Variants in ATRNL1 observed in about 807,000 individuals in gnomAD.
ATRNL1 encodes attractin-like protein 1.
ATRNL1 carries 95 observed loss-of-function variants against 182.7 expected under a neutral mutation model. That is an observed-to-expected ratio of 0.52 (90% confidence interval 0.44 to 0.62). The LOEUF (loss-of-function observed/expected upper bound fraction) is 0.62. Among genes scored for constraint, ATRNL1 ranks in the 20% least tolerant of loss-of-function variants. The probability of loss-of-function intolerance (pLI) is 0.00; values close to 1 mark genes in which losing one functional copy is unlikely to be tolerated. For missense variants in ATRNL1, 1,471 were observed against 1,679.5 expected, an observed-to-expected ratio of 0.88 and a Z score of 2.17; for synonymous variants, 576 against 568.3, an observed-to-expected ratio of 1.01 and a Z score of -0.19.
chr10:115,216,656 A>G (rs1462424295), intron 9 of ATRNL1, among the ~76,000 whole-genome samples: 1 of 151,474 alleles, frequency 6.6e-6, no homozygotes, highest in Non-Finnish European at 1.5e-5. Flanking sequence ...TTTTGTTCTA[A>G]TTTTTCTTTG....
chr10:115,532,123 G>C (rs1238757022), intron 25 of ATRNL1, among the ~76,000 whole-genome samples: 1 of 151,576 alleles, frequency 6.6e-6, no homozygotes, highest in East Asian at 1.9e-4. Flanking sequence ...CTCTTTTTTG[G>C]TTCCATATGA....
At chr10:115,130,553 A>C (rs1271538688) in intron 5 of ATRNL1, among the ~76,000 whole-genome samples, 2 of 152,128 alleles carry the variant, frequency 1.3e-5, no homozygotes, top group African/African-American at 4.8e-5. Flanking sequence ...TCAACTGCAC[A>C]AAAGATCTAT....
intron 9 of ATRNL1, among the ~76,000 whole-genome samples, chr10:115,222,634 C>T (rs1849513533): frequency 6.6e-6 from 1 of 151,940 alleles, no homozygotes; most frequent in Admixed American, 6.6e-5. Context: ...AAATGGGATC[C>T]AGAATACATG....
chr10:115,334,861 T>C (rs1343712285), intron 19 of ATRNL1, among the ~76,000 whole-genome samples: 1 of 152,196 alleles, frequency 6.6e-6, no homozygotes, highest in Admixed American at 6.5e-5. Flanking sequence ...AGTATGGGTT[T>C]GGAACCAAAT....
intron 5 of ATRNL1, among the ~76,000 whole-genome samples, chr10:115,140,642 C>G (rs1384976294): frequency 6.6e-6 from 1 of 152,082 alleles, no homozygotes; most frequent in African/African-American, 2.4e-5. Flanking sequence ...CCAGAATGTC[C>G]TGCTCAATCC....
intron 20 of ATRNL1, among the ~76,000 whole-genome samples, chr10:115,424,686 T>C (rs1290501559): frequency 2.0e-5 from 3 of 152,142 alleles, no homozygotes; most frequent in Non-Finnish European, 4.4e-5. Context: ...AGAAAAATAC[T>C]GCATGATCTC....
chr10:115,312,715 T>C (rs1392393762), intron 17 of ATRNL1, among the ~76,000 whole-genome samples: 1 of 152,176 alleles, frequency 6.6e-6, no homozygotes, highest in East Asian at 1.9e-4. Flanking sequence ...CAGATGTTTT[T>C]CTCTTTCTTT....
intron 15 of ATRNL1, among the ~76,000 whole-genome samples, chr10:115,298,837 T>G (rs1853330635): frequency 1.3e-5 from 2 of 152,076 alleles, no homozygotes. Flanking sequence ...CAATATCAGA[T>G]CTATTGTCAT....
intron 1 of ATRNL1, among the ~76,000 whole-genome samples, chr10:115,102,256 T>C (rs1225578368): frequency 6.6e-6 from 1 of 152,204 alleles, no homozygotes; most frequent in Non-Finnish European, 1.5e-5. Context: ...TGACCATTTG[T>C]TGAAAAGACT....
intron 21 of ATRNL1, among the ~76,000 whole-genome samples, chr10:115,427,210 T>C (rs1340688947): frequency 2.6e-5 from 4 of 152,216 alleles, no homozygotes; most frequent in African/African-American, 7.2e-5. Context: ...AATTTGCACT[T>C]TCCTAATTAC....
intron 27 of ATRNL1, among the ~76,000 whole-genome samples, chr10:115,772,345 T>G (rs1388671383): frequency 6.6e-6 from 1 of 152,172 alleles, no homozygotes; most frequent in African/African-American, 2.4e-5. Flanking sequence ...TTACCAAGTC[T>G]CACTGAAGTG....
chr10:115,816,379 T>C (rs2134269843), intron 27 of ATRNL1, among the ~76,000 whole-genome samples: 1 of 152,282 alleles, frequency 6.6e-6, no homozygotes, highest in Middle Eastern at 3.4e-3. Context: ...TATAAGTCGT[T>C]CATTCATTAA....
intron 27 of ATRNL1, among the ~76,000 whole-genome samples, chr10:115,759,590 G>T (rs1301803517): frequency 2.2e-5 from 3 of 135,796 alleles, no homozygotes; most frequent in Non-Finnish European, 4.9e-5. Flanking sequence ...ATTAGGTTTT[G>T]ACTAATGTTT....
At chr10:115,363,634 G>A (rs1316341138) in intron 19 of ATRNL1, among the ~76,000 whole-genome samples, 1 of 151,630 alleles carries the variant, frequency 6.6e-6, no homozygotes, top group Non-Finnish European at 1.5e-5. Context: ...TTTTCTTCTA[G>A]GGTTTTTATG....
chr10:115,535,176 T>G (rs1256187144), intron 25 of ATRNL1, among the ~76,000 whole-genome samples: 1 of 152,074 alleles, frequency 6.6e-6, no homozygotes, highest in African/African-American at 2.4e-5. Context: ...TTGGGGAAGT[T>G]CTCCTGGATA....
intron 21 of ATRNL1, among the ~76,000 whole-genome samples, chr10:115,437,577 G>C (rs782012605): frequency 2.0e-5 from 3 of 151,958 alleles, no homozygotes; most frequent in Non-Finnish European, 4.4e-5. Context: ...TTTGCAAATA[G>C]TTGTATTTAT....
chr10:115,104,134 A>G (rs1314397722), intron 1 of ATRNL1, among the ~76,000 whole-genome samples: 1 of 152,180 alleles, frequency 6.6e-6, no homozygotes, highest in Non-Finnish European at 1.5e-5. Context: ...TCTGCATAGT[A>G]GTTACACTAA....
intron 27 of ATRNL1, among the ~76,000 whole-genome samples, chr10:115,754,453 T>A (rs184044285): frequency 2.6e-5 from 4 of 152,318 alleles, no homozygotes; most frequent in Admixed American, 2.6e-4. Flanking sequence ...TTCTTGTTTT[T>A]GTCAGATTTG....
At chr10:115,907,739 A>T (rs1329681581) in intron 28 of ATRNL1, among the ~76,000 whole-genome samples, 7 of 151,872 alleles carry the variant, frequency 4.6e-5, no homozygotes, top group African/African-American at 1.7e-4. Flanking sequence ...TTATAAAAAA[A>T]TTTTAAAATA....
Sources: gnomAD v4.1 joint callset for allele counts (sites outside exome capture counted in the v4.1 genomes callset) on GRCh38, gnomAD v4.1.1 for gene constraint, MANE v1.5 for transcripts, NCBI Gene and HGNC (gene_info 2026-07-23, HGNC 2026-07-21) for gene names.